KRT32: variants seen among roughly 807,000 people sequenced by gnomAD.
KRT32 encodes the protein keratin, type I cuticular Ha2.
In KRT32, 44 loss-of-function variants were observed where a neutral mutation model predicts 41.8. The observed-to-expected ratio is 1.05, with a 90% CI of 0.83 to 1.35. The LOEUF (loss-of-function observed/expected upper bound fraction) is 1.35. Ranked by LOEUF, KRT32 falls within the 40% of genes most tolerant of loss-of-function variation. The pLI is 0.00. For missense variants in KRT32, 576 were observed against 584.6 expected (o/e 0.99, Z 0.15); for synonymous variants, 238 against 242.5 (o/e 0.98, Z 0.17).
chr17:41,467,204 C>G lies in KRT32; in HGVS notation c.122G>C (p.Cys41Ser). Residue 41 changes from cysteine to serine, a missense_variant, in exon 1 of 7, where the codon TGC becomes TCC. Coordinates refer to ENST00000225899, the MANE Select transcript of KRT32 (RefSeq NM_002278.3). ...CGAAGGCAGGCATGCCATGGGCTGG[C>G]AGACATAGCCCAGGCACAGCTCAGG... ...CRPELCLGYV[C>S]QPMACLPSVC... 6.2e-7 allele frequency: 1 copy of G among 1,613,866 alleles called. No homozygotes were observed. The highest frequency in any genetic ancestry group is 8.5e-7 in the Non-Finnish European group (1 of 1,179,996).
chr17:41,464,063 C>A lies in KRT32; in HGVS notation c.996+15G>T. 1 of 1,563,990 alleles carries A rather than the reference C, an allele frequency of 6.4e-7. No homozygotes were observed. The highest frequency in any genetic ancestry group is 2.3e-5 in the East Asian group (1 of 44,110). On this transcript the variant is annotated intron_variant, in intron 5 of 6. Coordinates refer to ENST00000225899, the MANE Select transcript of KRT32 (RefSeq NM_002278.3). Reference sequence around the variant, plus strand: ...TAGGATCCGGAGGGATGGGTGCCCACCCAGCAGCTCTCACCAGGCTGTGCT... The same window carrying A: ...TAGGATCCGGAGGGATGGGTGCCCAACCAGCAGCTCTCACCAGGCTGTGCT...
In KRT32 at chr17:41,464,173, T is replaced by C; in HGVS notation, c.901A>G (p.Ser301Gly). The C allele has an allele frequency of 6.2e-7, 1 of 1,611,546 alleles. No homozygotes were observed. The highest frequency in any genetic ancestry group is 1.1e-5 in the South Asian group (1 of 90,786). The part of the protein sequence containing the change: ...MEELNQQVAT[S>G]SEQLQNYQSD... ...TGGTAGTTCTGAAGCTGCTCAGAGC[T>C]TGTGGCCACCTGTTGGTTAAGCTCC... Residue 301 changes from serine (S) to glycine (G), a missense_variant, in exon 5 of 7, where the codon AGC becomes GGC. Ser to Gly is a moderately conservative substitution (Grantham distance 56). Coordinates refer to ENST00000225899, the MANE Select transcript of KRT32 (RefSeq NM_002278.3).
chr17:41,461,636 G>A lies in KRT32; in HGVS notation c.1217+1194C>T, dbSNP rs756871512. ...ACCTGCTTCTCACACAGTAGAAGTG[G>A]CCCTGAGGGCATGCCATTGCCTGGA... On this transcript the variant is annotated intron_variant, in intron 6 of 6. Coordinates refer to ENST00000225899, the MANE Select transcript of KRT32 (RefSeq NM_002278.3). Among the ~76,000 whole-genome samples, 30 of 152,242 alleles carry A rather than the reference G, an allele frequency of 2.0e-4. 1 individual carries two copies. Among genetic ancestry groups the A allele is most frequent in the Admixed American group, 1.3e-3 (20 of 15,288 alleles).
rs192242828 is a variant in KRT32, at chr17:41,460,142, G to A, written c.1315C>T (p.Pro439Ser). 23 of 1,613,220 alleles carry A rather than the reference G, an allele frequency of 1.4e-5. No individual in the cohort carries two copies. Among genetic ancestry groups the A allele is most frequent in the East Asian group, 1.3e-4 (6 of 44,844 alleles). The change falls in exon 7 of 7, where the codon CCT becomes TCT. Residue 439 changes from proline to serine, a missense_variant. By Grantham distance (74) the Pro-to-Ser change is moderately conservative (BLOSUM62 -1). Coordinates refer to ENST00000225899, the MANE Select transcript of KRT32 (RefSeq NM_002278.3). ...TVCVPRTVGM[P>S]CSPCPQGRY Reference sequence around the variant, plus strand: ...CGGCCCTGGGGGCAGGGTGAGCAAGGCATGCCAACAGTGCGTGGCACACAG... The same window carrying A: ...CGGCCCTGGGGGCAGGGTGAGCAAGACATGCCAACAGTGCGTGGCACACAG...
At chr17:41,464,493 G>A (rs368488025) in intron 3 of KRT32, 50 bp from the exon 4 acceptor site, 13 of 1,483,100 alleles carry the variant, frequency 8.8e-6, no homozygotes, top group Middle Eastern at 3.6e-4. Flanking sequence ...TAGGATCCTG[G>A]CTCACCTCCC....
chr17:41,464,594 G>A, intron 3 of KRT32, 151 bp from the exon 4 acceptor site: 1 of 641,750 alleles, frequency 1.6e-6, no homozygotes, highest in Non-Finnish European at 2.4e-6. Context: ...CAGCATCCCA[G>A]TGCTCTTCAA....
intron 6 of KRT32, 147 bp from the exon 7 acceptor site, chr17:41,460,386 TG>T: frequency 3.9e-6 from 4 of 1,038,586 alleles, no homozygotes; most frequent in Middle Eastern, 2.3e-4. Context: ...CCGCCATCTT[TG>T]CCTGAGTCAC....
chr17:41,464,655 C>A (rs1414229981), intron 3 of KRT32, among the ~76,000 whole-genome samples: 1 of 152,192 alleles, frequency 6.6e-6, no homozygotes, highest in Non-Finnish European at 1.5e-5. Flanking sequence ...CACAACACTT[C>A]CTATCACTTT....
At position 41,467,084 on chromosome 17, in the gene KRT32, A is replaced by G. The variant is rs1347902303; in HGVS notation, c.242T>C (p.Met81Thr). Residue 81 changes from methionine (M) to threonine (T), a missense_variant, in exon 1 of 7, where the codon ATG (methionine) becomes ACG (threonine). By Grantham distance (81) the Met-to-Thr change is moderately conservative. Coordinates refer to ENST00000225899, the MANE Select transcript of KRT32 (RefSeq NM_002278.3). ...CQAASGISGS[M>T]GPGSWYSEGA... ...TTCGCTGTACCAGCTGCCGGGGCCCATGGAGCCGGAGATGCCACTGGCTGC... is the reference window on the plus strand; with the variant it reads ...TTCGCTGTACCAGCTGCCGGGGCCCGTGGAGCCGGAGATGCCACTGGCTGC... 6.2e-7 allele frequency: 1 copy of G among 1,614,096 alleles called. No individual in the cohort carries two copies. Among genetic ancestry groups the G allele is most frequent in the African/African-American group, 1.3e-5 (1 of 74,950 alleles).
intron 1 of KRT32, 64 bp downstream of exon 1, chr17:41,466,794 T>A: frequency 8.3e-7 from 1 of 1,198,612 alleles, no homozygotes; most frequent in South Asian, 1.4e-5. Flanking sequence ...GAGATTCCAA[T>A]CTGGAATGCC....
intron 4 of KRT32, 30 bp downstream of exon 4, chr17:41,464,251 GA>G (rs757317631): frequency 4.4e-6 from 7 of 1,586,118 alleles, no homozygotes; most frequent in Non-Finnish European, 6.0e-6. Context: ...TAGGGATATG[GA>G]GGAGGCCATC....
intron 6 of KRT32, among the ~76,000 whole-genome samples, chr17:41,461,284 G>A (rs1336781381): frequency 1.3e-5 from 2 of 152,186 alleles, no homozygotes; most frequent in African/African-American, 4.8e-5. Context: ...ACATAGAATA[G>A]GCACCTAATA....
intron 6 of KRT32, 67 bp from the exon 7 acceptor site, chr17:41,460,306 A>T (rs1406167918): frequency 1.6e-5 from 24 of 1,533,484 alleles, no homozygotes; most frequent in Non-Finnish European, 2.1e-5. Context: ...GGTCCTGCCA[A>T]TTCTCCCCTC....
chr17:41,461,142 C>G (rs1178696685), intron 6 of KRT32, among the ~76,000 whole-genome samples: 2 of 152,196 alleles, frequency 1.3e-5, no homozygotes, highest in Non-Finnish European at 2.9e-5. Context: ...CCTCCCCCAC[C>G]TCTCTGAGAC....
At chr17:41,463,557 T>A (rs1390545058) in intron 5 of KRT32, among the ~76,000 whole-genome samples, 1 of 152,020 alleles carries the variant, frequency 6.6e-6, no homozygotes, top group Non-Finnish European at 1.5e-5. Flanking sequence ...ATACAAACAT[T>A]AGCAGGGCAT....
intron 1 of KRT32, 45 bp from the exon 2 acceptor site, chr17:41,466,221 A>C (rs746096728): frequency 6.6e-7 from 1 of 1,524,828 alleles, no homozygotes; most frequent in Non-Finnish European, 9.0e-7. Flanking sequence ...GGATGAGACG[A>C]AGCAAGAAGA....
Position 41,465,765 on chromosome 17 carries a change from A to G in KRT32, c.708+8T>C. On this transcript the variant is annotated splice_region_variant and intron_variant, in intron 3 of 6. Transcript: ENST00000225899. ...CCGGGGCCACTTCAGCGGGACTTCC[A>G]GCCTCACCTCCTCATGGTTCTTTTT... 6.2e-7 allele frequency: 1 copy of G among 1,606,244 alleles called. No homozygotes were observed.
rs139444124 is a variant in KRT32 at position 41,460,116 on chromosome 17, G to A, written c.1341C>T (p.Arg447=). ...CCACTGGCACAAAGGGACTTCAGTA[G>A]CGGCCCTGGGGGCAGGGTGAGCAAG... ...GMPCSPCPQG[R]Y Residue 447 remains arginine (R), a synonymous_variant, in exon 7 of 7, where the codon CGC becomes CGT. Transcript: ENST00000225899. 6.2e-7 allele frequency: 1 copy of A among 1,606,348 alleles called. No homozygotes were observed. Among genetic ancestry groups the A allele is most frequent in the African/African-American group, 1.3e-5 (1 of 74,748 alleles).
rs1401342774 is a variant in KRT32 at position 41,464,411 on chromosome 17, G to A, written c.741C>T (p.Asp247=). ...EVGSLRCQLG[D]RLNIEVDAAP... Reference sequence around the variant, plus strand: ...CAGCGTCCACCTCGATGTTAAGGCGGTCCCCAAGCTGGCATCGAAGGGAAC... The same window carrying A: ...CAGCGTCCACCTCGATGTTAAGGCGATCCCCAAGCTGGCATCGAAGGGAAC... The change falls in exon 4 of 7, where the codon GAC becomes GAT. Residue 247 remains aspartate, a synonymous_variant. Transcript: ENST00000225899. 6 of 1,584,262 alleles carry A rather than the reference G, an allele frequency of 3.8e-6. No homozygotes were observed. The highest frequency in any genetic ancestry group is 1.2e-5 in the South Asian group (1 of 86,472).
Sources: gnomAD v4.1 joint callset for allele counts (sites outside exome capture counted in the v4.1 genomes callset) on GRCh38, gnomAD v4.1.1 for gene constraint, MANE v1.5 for transcripts, NCBI Gene and HGNC (gene_info 2026-07-23, HGNC 2026-07-21) for gene names.